The following CNTN4 variants were observed in gnomAD, a reference collection of about 807,000 sequenced individuals.
CNTN4 encodes contactin 4.
In CNTN4, 77 loss-of-function variants were observed where a neutral mutation model predicts 122.5. The observed-to-expected ratio is 0.63, with a 90% CI of 0.52 to 0.76. The LOEUF (loss-of-function observed/expected upper bound fraction) is 0.76, where lower values mean the gene tolerates loss of function less well. Ranked by LOEUF, CNTN4 falls within the 30% of genes least tolerant of loss-of-function variation. The pLI is 0.00. For missense variants in CNTN4, 1,256 were observed against 1,259.1 expected (o/e 1.00, Z 0.04); for synonymous variants, 512 against 447.0 (o/e 1.15, Z -1.83).
chr3:2,356,504 C>A (rs974557108), intron 3 of CNTN4, among the ~76,000 whole-genome samples: 1 of 152,098 alleles, frequency 6.6e-6, no homozygotes, highest in African/African-American at 2.4e-5. Context: ...TTATAATTAG[C>A]GTATAATGAG....
At chr3:2,892,623 A>G (rs1238373907) in intron 10 of CNTN4, among the ~76,000 whole-genome samples, 1 of 152,246 alleles carries the variant, frequency 6.6e-6, no homozygotes, top group Non-Finnish European at 1.5e-5. Flanking sequence ...AAAAAGACTG[A>G]TAGAATTATA....
Position 2,151,510 on chromosome 3 carries a change from C to G in CNTN4, c.-145+50871C>G, listed in dbSNP as rs150725256. Among the ~76,000 whole-genome samples, 305 of 152,140 alleles carry G rather than the reference C, an allele frequency of 2.0e-3. 1 individual carries two copies. The highest frequency in any genetic ancestry group is 6.7e-3 in the African/African-American group (276 of 41,430). ...TAGCCTTCTATGTTCCAGGTGCTATCCAAGGTGCTTGGGATACGTCAGCCA... is the reference window on the plus strand; with the variant it reads ...TAGCCTTCTATGTTCCAGGTGCTATGCAAGGTGCTTGGGATACGTCAGCCA... On this transcript the variant is annotated intron_variant, in intron 2 of 24. Transcript: ENST00000418658.
chr3:2,170,236 C>T (rs1024332168), intron 2 of CNTN4, among the ~76,000 whole-genome samples: 26 of 151,530 alleles, frequency 1.7e-4, no homozygotes, highest in Non-Finnish European at 3.1e-4. Flanking sequence ...GGGAGAATGG[C>T]GGGAACCCGG....
chr3:2,672,216 A>T (rs569294858), intron 4 of CNTN4, among the ~76,000 whole-genome samples: 8 of 152,296 alleles, frequency 5.3e-5, no homozygotes, highest in Middle Eastern at 6.8e-3. Context: ...CCAGTGGTGG[A>T]GTCTACAGAG....
At chr3:3,040,514 T>C (rs896642721) in intron 20 of CNTN4, 4 of 544,666 alleles carry the variant, frequency 7.3e-6, no homozygotes, top group Non-Finnish European at 1.3e-5. Flanking sequence ...AGGACCAGAA[T>C]TGCAAATACC....
chr3:2,934,994 C>T lies in CNTN4; in HGVS notation c.1358+9215C>T, dbSNP rs558164767. Among the ~76,000 whole-genome samples the T allele has an allele frequency of 3.3e-3, 499 of 152,152 alleles. 2 individuals are homozygous for T. The highest frequency in any genetic ancestry group is 7.7e-3 in the African/African-American group (321 of 41,492). On this transcript the variant is annotated intron_variant, in intron 13 of 24. Coordinates refer to ENST00000418658, the MANE Select transcript of CNTN4 (RefSeq NM_175607.3). Reference sequence around the variant, plus strand: ...AGAGCCATGGATAAAATAGTTACGGCGTTGAGCTCTCCTGAAGTGCAGTTG... The same window carrying T: ...AGAGCCATGGATAAAATAGTTACGGTGTTGAGCTCTCCTGAAGTGCAGTTG...
In CNTN4 at chr3:3,042,434, A is replaced by T. The variant is rs375704177; in HGVS notation, c.2511+12A>T. 1 of 1,534,476 alleles carries T rather than the reference A, an allele frequency of 6.5e-7. No individual in the cohort carries two copies. Among genetic ancestry groups the T allele is most frequent in the Non-Finnish European group, 9.0e-7 (1 of 1,107,182 alleles). Reference sequence around the variant, plus strand: ...TACAAGGTTATGAGGTAGGCAAGACATATGTGCCTTGGGTCTGAAAGAGAG... The same window carrying T: ...TACAAGGTTATGAGGTAGGCAAGACTTATGTGCCTTGGGTCTGAAAGAGAG... On this transcript the variant is annotated intron_variant, in intron 21 of 24. Coordinates refer to ENST00000418658, the MANE Select transcript of CNTN4 (RefSeq NM_175607.3).
chr3:2,140,803 C>T (rs1023103034), intron 2 of CNTN4, among the ~76,000 whole-genome samples: 1 of 152,138 alleles, frequency 6.6e-6, no homozygotes, highest in Non-Finnish European at 1.5e-5. Context: ...CAGAAAAATT[C>T]TTCCTTTTAT....
chr3:2,417,658 T>C (rs918598874), intron 3 of CNTN4, among the ~76,000 whole-genome samples: 3 of 152,232 alleles, frequency 2.0e-5, no homozygotes, highest in South Asian at 2.1e-4. Context: ...TGAAAACTTA[T>C]GTTTACATAA....
intron 6 of CNTN4, among the ~76,000 whole-genome samples, chr3:2,778,972 T>G (rs1325327398): frequency 6.6e-6 from 1 of 152,200 alleles, no homozygotes; most frequent in Non-Finnish European, 1.5e-5. Context: ...AGAAACAAAT[T>G]ATAATTGCAG....
At chr3:2,206,343 A>G (rs567857888) in intron 2 of CNTN4, among the ~76,000 whole-genome samples, 4 of 152,216 alleles carry the variant, frequency 2.6e-5, no homozygotes, top group South Asian at 2.1e-4. Context: ...TTTATTGTCA[A>G]TATGCAATCA....
chr3:2,677,792 T>G (rs902591423), intron 4 of CNTN4, among the ~76,000 whole-genome samples: 1 of 151,422 alleles, frequency 6.6e-6, no homozygotes, highest in African/African-American at 2.4e-5. Flanking sequence ...GAGTGAATGT[T>G]AGAAAAAAAA....
chr3:2,805,143 C>T (rs766102423), intron 6 of CNTN4, among the ~76,000 whole-genome samples: 27 of 152,182 alleles, frequency 1.8e-4, no homozygotes, highest in African/African-American at 6.3e-4. Flanking sequence ...CACCATCGCA[C>T]TCCAGCCTGT....
At chr3:2,542,010 A>C (rs924825650) in intron 3 of CNTN4, among the ~76,000 whole-genome samples, 1 of 152,122 alleles carries the variant, frequency 6.6e-6, no homozygotes, top group Non-Finnish European at 1.5e-5. Context: ...ATTAAAACTA[A>C]CTACCAATGT....
At chr3:2,167,539 A>G (rs191558174) in intron 2 of CNTN4, among the ~76,000 whole-genome samples, 35 of 152,312 alleles carry the variant, frequency 2.3e-4, no homozygotes, top group South Asian at 1.0e-3. Context: ...TAACAAAACT[A>G]TTACCAGACT....
chr3:2,782,177 T>C (rs1199218081), intron 6 of CNTN4, among the ~76,000 whole-genome samples: 1 of 151,508 alleles, frequency 6.6e-6, no homozygotes. Flanking sequence ...GGCGGAGAGG[T>C]ATAAAGAGTA....
intron 8 of CNTN4, among the ~76,000 whole-genome samples, chr3:2,876,494 CTG>C (rs1350493629): frequency 3.3e-5 from 5 of 152,058 alleles, no homozygotes; most frequent in Admixed American, 2.6e-4. Flanking sequence ...AAATCCCACT[CTG>C]TGGAAGTTAG....
chr3:2,316,039 A>C (rs922842292), intron 2 of CNTN4, among the ~76,000 whole-genome samples: 1 of 151,986 alleles, frequency 6.6e-6, no homozygotes, highest in Non-Finnish European at 1.5e-5. Context: ...TTCTTCACTG[A>C]AAAAAATGTC....
At chr3:2,857,968 T>A (rs960499447) in intron 7 of CNTN4, among the ~76,000 whole-genome samples, 1 of 152,180 alleles carries the variant, frequency 6.6e-6, no homozygotes, top group South Asian at 2.1e-4. Context: ...TTCCATTTAT[T>A]TATCTTTGTG....
Sources: allele counts gnomAD v4.1 joint callset (sites outside exome capture counted in the v4.1 genomes callset), GRCh38; gene constraint gnomAD v4.1.1; transcripts MANE v1.5; gene names NCBI Gene and HGNC (gene_info 2026-07-23, HGNC 2026-07-21).